Variants in ACAN observed in about 807,000 individuals in gnomAD.
The protein encoded by ACAN is aggrecan core protein.
Under a neutral mutation model 169.1 loss-of-function variants are expected in ACAN, and 47 were observed. The ratio of observed to expected loss-of-function variants is 0.28; its 90% CI spans 0.22 to 0.35. ACAN has a LOEUF of 0.35. ACAN is among the 10% of genes least tolerant of loss of function. The pLI is 1.00. For synonymous variants in ACAN, 1,115 were observed against 1,112.2 expected (o/e 1.00, Z -0.05); for missense variants, 2,716 against 2,759.9 (o/e 0.98, Z 0.36).
Position 88,872,256 on chromosome 15 carries a change from C to T in ACAN, c.7302+171C>T, listed in dbSNP as rs921880991. Among the ~76,000 whole-genome samples, 8 of 152,128 alleles carry T rather than the reference C, an allele frequency of 5.3e-5. No homozygotes were observed. The highest frequency in any genetic ancestry group is 1.9e-4 in the East Asian group (1 of 5,192). On this transcript the variant is annotated intron_variant, in intron 16 of 18. Coordinates refer to ENST00000560601, the MANE Select transcript of ACAN (RefSeq NM_001369268.1). This position sits in a 1 kb window ranked among gnomAD's most constrained non-coding sequence, Gnocchi z 5.4. ...TCATCTCTGCCTCTGGAACCCAGCC[C>T]GGGGCTGGACAGATTGAGCTAATGA...
chr15:88,808,986 T>C (rs1006851597), intron 1 of ACAN, among the ~76,000 whole-genome samples: 1 of 152,228 alleles, frequency 6.6e-6, no homozygotes, highest in African/African-American at 2.4e-5. Context: ...TGTATCCCCT[T>C]GGGTAAGTCA....
At chr15:88,863,471 T>C (rs997288063) in intron 13 of ACAN, among the ~76,000 whole-genome samples, 1 of 152,234 alleles carries the variant, frequency 6.6e-6, no homozygotes. Flanking sequence ...TTAAAAAATC[T>C]TTAAATAGGA....
rs551809799 is a variant in ACAN at position 88,873,972 on chromosome 15, C to A, written c.7578C>A (p.Ile2526=). 4 of 1,613,282 alleles carry A rather than the reference C, an allele frequency of 2.5e-6. No individual in the cohort carries two copies. The African/African-American group carries it at 5.3e-5, about 21-fold the overall frequency. ...EGFVQRHMPT[I]RCQPSGHWEE... ...TTGTCCAGCGCCACATGCCCACCAT[C>A]CGGTGCCAGCCCAGCGGGCACTGGG... The change falls in exon 18 of 19, where the codon ATC becomes ATA. Residue 2526 remains isoleucine (I), a synonymous_variant. Coordinates refer to ENST00000560601, the MANE Select transcript of ACAN (RefSeq NM_001369268.1). The surrounding 1 kb of genome is among the most constrained non-coding windows in gnomAD (Gnocchi z 7.5).
chr15:88,870,104 G>A lies in ACAN; in HGVS notation c.7061-1278G>A, dbSNP rs185956858. Among the ~76,000 whole-genome samples the A allele has an allele frequency of 3.9e-3, 597 of 152,314 alleles. 3 individuals are homozygous for A. Among genetic ancestry groups the A allele is most frequent in the Non-Finnish European group, 6.1e-3 (418 of 68,018 alleles). ...CCTTGGGGAAGGCATTCATAGCTGA[G>A]GCACCAGAGGCCTCCACGGCCCCTC... On this transcript the variant is annotated intron_variant, in intron 14 of 18. Transcript: ENST00000560601. The surrounding 1 kb of genome is among the most constrained non-coding windows in gnomAD (Gnocchi z 6.3).
intron 1 of ACAN, among the ~76,000 whole-genome samples, chr15:88,812,225 C>G (rs890476829): frequency 1.4e-4 from 21 of 152,190 alleles, no homozygotes. Flanking sequence ...CGGGTTTGCA[C>G]ACAGCAGGGT....
chr15:88,829,089 C>T (rs947952886), intron 1 of ACAN, among the ~76,000 whole-genome samples: 11 of 149,240 alleles, frequency 7.4e-5, no homozygotes, highest in African/African-American at 2.2e-4. Context: ...CACACTTGCC[C>T]GGAATGGAGA....
chr15:88,847,150 G>A, intron 7 of ACAN, 93 bp from the exon 8 acceptor site: 1 of 1,291,932 alleles, frequency 7.7e-7, no homozygotes, highest in Middle Eastern at 2.8e-4. Flanking sequence ...AATATGTCAG[G>A]CAGCAGGAGT....
chr15:88,822,680 C>T (rs921134721), intron 1 of ACAN, among the ~76,000 whole-genome samples: 4 of 152,064 alleles, frequency 2.6e-5, no homozygotes, highest in Admixed American at 6.5e-5. Context: ...GTGATCTGCC[C>T]GCCTCAGCCT....
In ACAN at chr15:88,849,653, G is replaced by A. The variant is rs201414869; in HGVS notation, c.1948G>A (p.Val650Met). The change falls in exon 10 of 19, where the codon GTG (valine) becomes ATG (methionine). Residue 650 changes from valine (V) to methionine (M), a missense_variant. Val to Met is a conservative substitution (Grantham distance 21). Coordinates refer to ENST00000560601, the MANE Select transcript of ACAN (RefSeq NM_001369268.1). This position sits in a 1 kb window ranked among gnomAD's most constrained non-coding sequence, Gnocchi z 5.1. ...TGCCTGCGGTGGGGACAAGCCAGGC[G>A]TGAGAACGGTCTACCTCTACCCTAA... ...RPACGGDKPG[V>M]RTVYLYPNQT... 285 of 1,613,534 alleles carry A rather than the reference G, an allele frequency of 1.8e-4. No homozygotes were observed. The highest frequency in any genetic ancestry group is 2.3e-4 in the Admixed American group (14 of 59,994).
At chr15:88,853,753 GATACATAC>G (rs3080433) in intron 11 of ACAN, among the ~76,000 whole-genome samples, 4,641 of 150,136 alleles carry the variant, frequency 0.031, 249 homozygotes, top group African/African-American at 0.11. Flanking sequence ...TAGATAGATA[GATACATAC>G]ATACATACAT....
Position 88,875,095 on chromosome 15 carries a change from C to T in ACAN, c.*614C>T, listed in dbSNP as rs74892133. The T allele has an allele frequency of 9.5e-3, 1,509 of 159,092 alleles. 27 individuals carry two copies. Among genetic ancestry groups the T allele is most frequent in the African/African-American group, 0.034 (1,416 of 41,580 alleles). 9.9% of individuals were successfully genotyped at this position (159,092 alleles called of 1,614,324 possible). A position where few individuals can be genotyped will look rare whatever the true frequency, so the allele number is the denominator to read the frequency against. On this transcript the variant is annotated 3_prime_UTR_variant, in exon 19 of 19. Transcript: ENST00000560601. The surrounding 1 kb of genome is among the most constrained non-coding windows in gnomAD (Gnocchi z 4.8). Reference sequence around the variant, plus strand: ...AGGAGAGAGCCATCAGAGGGACCTCCGCTGCCTGGGAGTTGGGTTCCCTCC... The same window carrying T: ...AGGAGAGAGCCATCAGAGGGACCTCTGCTGCCTGGGAGTTGGGTTCCCTCC...
rs1896890480 is a variant in ACAN, at chr15:88,849,771, T to C, written c.2026+40T>C. 6.2e-7 allele frequency: 1 copy of C among 1,603,528 alleles called. No homozygotes were observed. The highest frequency in any genetic ancestry group is 1.3e-5 in the African/African-American group (1 of 74,798). On this transcript the variant is annotated intron_variant, in intron 10 of 18. Transcript: ENST00000560601. The surrounding 1 kb of genome is among the most constrained non-coding windows in gnomAD (Gnocchi z 5.1). ...TTCGGCTCCAACAGCCCCTTTTGTC[T>C]GGAGAGGACCCCACTGGGTTCACCG...
Position 88,849,622 on chromosome 15 carries a change from A to G in ACAN, c.1917A>G (p.Pro639=), listed in dbSNP as rs775035922. 2.0e-5 allele frequency: 33 copies of G among 1,612,332 alleles called. No individual in the cohort carries two copies. In the South Asian group the frequency reaches 3.4e-4, roughly 17 times the overall value. Residue 639 remains proline (P), a synonymous_variant, in exon 10 of 19, where the codon CCA becomes CCG. Transcript: ENST00000560601. The surrounding 1 kb of genome is among the most constrained non-coding windows in gnomAD (Gnocchi z 5.1). The part of the protein sequence containing the change: ...DGSLRYPIVT[P]RPACGGDKPG... ...GCCTCCGCTACCCCATCGTCACCCCAAGGCCTGCCTGCGGTGGGGACAAGC... is the reference window on the plus strand; with the variant it reads ...GCCTCCGCTACCCCATCGTCACCCCGAGGCCTGCCTGCGGTGGGGACAAGC...
rs749818585 is a variant in ACAN at position 88,857,701 on chromosome 15, G to C, written c.5116G>C (p.Ala1706Pro). The C allele has an allele frequency of 6.2e-7, 1 of 1,614,038 alleles. No homozygotes were observed. The highest frequency in any genetic ancestry group is 1.1e-5 in the South Asian group (1 of 91,088). Reference sequence around the variant, plus strand: ...CAGTGAGCTGGACATTAGTGGGAGAGCTAGTGGACTCCCTTCAGGAACTGA... The same window carrying C: ...CAGTGAGCTGGACATTAGTGGGAGACCTAGTGGACTCCCTTCAGGAACTGA... ...PSSELDISGR[A>P]SGLPSGTELS... The change falls in exon 12 of 19, where the codon GCT becomes CCT. Residue 1706 changes from alanine to proline, a missense_variant. Physicochemically the swap from Ala to Pro is conservative, Grantham distance 27. This residue lies in a region of ACAN where 1,389 missense variants were observed against 1,363.7 expected (regional missense o/e 1.02). Coordinates refer to ENST00000560601, the MANE Select transcript of ACAN (RefSeq NM_001369268.1).
rs1354401319 is a variant in ACAN at position 88,870,654 on chromosome 15, G to T, written c.7061-728G>T. Among the ~76,000 whole-genome samples the T allele has an allele frequency of 1.3e-5, 2 of 152,128 alleles. No homozygotes were observed. The highest frequency in any genetic ancestry group is 1.5e-5 in the Non-Finnish European group (1 of 68,004). ...GAACTCCAAGCCAGCCCCTTCTCCA[G>T]ACTGAGAACCCATTACGAATTTAGG... is the stretch of plus-strand genomic sequence containing the variant. On this transcript the variant is annotated intron_variant, in intron 14 of 18. Coordinates refer to ENST00000560601, the MANE Select transcript of ACAN (RefSeq NM_001369268.1). The surrounding 1 kb of genome is among the most constrained non-coding windows in gnomAD (Gnocchi z 6.3).
rs372515989 is a variant in ACAN at position 88,851,963 on chromosome 15, C to A, written c.2196C>A (p.Phe732Leu). ...GGGAGACTACTGCCATCCTAGAGTT[C>A]ACCACCGAGCCAGAAAACCAGACAG... ...PSGETTAILE[F>L]TTEPENQTEW... The change falls in exon 11 of 19, where the codon TTC (phenylalanine) becomes TTA (leucine). Residue 732 changes from phenylalanine to leucine, a missense_variant. By Grantham distance (22) the Phe-to-Leu change is conservative. Transcript: ENST00000560601. The surrounding 1 kb of genome is among the most constrained non-coding windows in gnomAD (Gnocchi z 4.3). 1.1e-5 allele frequency: 18 copies of A among 1,612,098 alleles called. No individual in the cohort carries two copies. Among genetic ancestry groups the A allele is most frequent in the Middle Eastern group, 1.6e-4 (1 of 6,082 alleles).
At chr15:88,859,492 A>G in intron 12 of ACAN, 75 bp downstream of exon 12, 1 of 1,544,374 alleles carries the variant, frequency 6.5e-7, no homozygotes, top group Admixed American at 2.0e-5. Flanking sequence ...AGAAGGAGGC[A>G]GCATAGCTTT....
At chr15:88,836,404 C>T in intron 2 of ACAN, 128 bp downstream of exon 2, 1 of 808,884 alleles carries the variant, frequency 1.2e-6, no homozygotes, top group South Asian at 1.5e-5. Flanking sequence ...TTTTCCTGGC[C>T]CCACCCTTCC....
chr15:88,843,668 GGGAA>G lies in ACAN; in HGVS notation c.1051+23_1051+26del. ...ACACAGGTGGGGCACGGCTGGTGGTGGGAAGGGAGTTCATGCCACTAAAATGGGG... is the reference window on the plus strand; with the variant it reads ...ACACAGGTGGGGCACGGCTGGTGGTGGGGAGTTCATGCCACTAAAATGGGG... On this transcript the variant is annotated intron_variant, in intron 6 of 18. Coordinates refer to ENST00000560601, the MANE Select transcript of ACAN (RefSeq NM_001369268.1). This position sits in a 1 kb window ranked among gnomAD's most constrained non-coding sequence, Gnocchi z 4.0. 6.5e-7 allele frequency: 1 copy of G among 1,547,072 alleles called. No individual in the cohort carries two copies. Among genetic ancestry groups the G allele is most frequent in the Non-Finnish European group, 8.8e-7 (1 of 1,139,802 alleles).
Sources: gnomAD v4.1 joint callset for allele counts (sites outside exome capture counted in the v4.1 genomes callset) on GRCh38, gnomAD v4.1.1 for gene constraint, gnomAD v4.1.1 regional missense constraint, Gnocchi (gnomAD v3.1) non-coding constraint, MANE v1.5 for transcripts, NCBI Gene and HGNC (gene_info 2026-07-23, HGNC 2026-07-21) for gene names.